Variants in B3GALT1 observed in about 807,000 individuals in gnomAD.
B3GALT1 encodes the protein beta-1,3-galactosyltransferase 1.
B3GALT1 carries 10 observed loss-of-function variants against 23.2 expected under a neutral mutation model. That is an observed-to-expected ratio of 0.43 (90% CI 0.27 to 0.73). The LOEUF (loss-of-function observed/expected upper bound fraction) is 0.73. Among genes scored for constraint, B3GALT1 ranks in the 30% least tolerant of loss-of-function variants. The probability of loss-of-function intolerance (pLI) is 0.21; values close to 1 mark genes in which losing one functional copy is unlikely to be tolerated. For synonymous variants in B3GALT1, 156 were observed against 141.5 expected (o/e 1.10, Z -0.73); for missense variants, 299 against 405.4 (o/e 0.74, Z 2.25).
chr2:167,807,444 G>A (rs1688778491), intron 3 of B3GALT1, among the ~76,000 whole-genome samples: 1 of 151,852 alleles, frequency 6.6e-6, no homozygotes, highest in Non-Finnish European at 1.5e-5. Context: ...TTTCTCTTGT[G>A]GGCATTTAGT....
chr2:167,369,724 G>A (rs1574051969), intron 1 of B3GALT1, among the ~76,000 whole-genome samples: 2 of 152,214 alleles, frequency 1.3e-5, no homozygotes, highest in South Asian at 2.1e-4. Flanking sequence ...GTTTCAATAC[G>A]GCATGTGCAG....
intron 3 of B3GALT1, among the ~76,000 whole-genome samples, chr2:167,659,783 C>T (rs979046756): frequency 2.6e-5 from 4 of 152,118 alleles, no homozygotes; most frequent in Non-Finnish European, 4.4e-5. Context: ...TGCCAGATCA[C>T]CAATAGTTGA....
chr2:167,686,725 G>A (rs985325897), intron 3 of B3GALT1, among the ~76,000 whole-genome samples: 1 of 152,052 alleles, frequency 6.6e-6, no homozygotes, highest in Non-Finnish European at 1.5e-5. Flanking sequence ...ACACTTACAC[G>A]CATACACACA....
intron 1 of B3GALT1, among the ~76,000 whole-genome samples, chr2:167,470,322 T>A (rs950548810): frequency 6.6e-6 from 1 of 152,198 alleles, no homozygotes; most frequent in Admixed American, 6.5e-5. Context: ...TTCCTGGGTT[T>A]AGCAATTAAA....
chr2:167,562,770 G>A (rs1249617579), intron 2 of B3GALT1, among the ~76,000 whole-genome samples: 2 of 151,714 alleles, frequency 1.3e-5, no homozygotes, highest in Non-Finnish European at 2.9e-5. Context: ...AAAGGTCTCT[G>A]GTTTTCCTAG....
intron 2 of B3GALT1, among the ~76,000 whole-genome samples, chr2:167,520,702 C>T (rs1574116347): frequency 6.6e-6 from 1 of 152,168 alleles, no homozygotes; most frequent in East Asian, 1.9e-4. Flanking sequence ...TCTTCAGGAT[C>T]ATACTGGTAA....
intron 2 of B3GALT1, among the ~76,000 whole-genome samples, chr2:167,568,387 C>A (rs1180159541): frequency 6.6e-6 from 1 of 152,028 alleles, no homozygotes; most frequent in Non-Finnish European, 1.5e-5. Context: ...TGCTCCATAT[C>A]CTCATCAGCA....
At chr2:167,407,533 A>G (rs1284378228) in intron 1 of B3GALT1, among the ~76,000 whole-genome samples, 17 of 141,918 alleles carry the variant, frequency 1.2e-4, no homozygotes, top group Non-Finnish European at 2.1e-4. Flanking sequence ...AATATAGAAT[A>G]TGAACAAAAA....
intron 1 of B3GALT1, among the ~76,000 whole-genome samples, chr2:167,420,435 C>T (rs1325866053): frequency 6.6e-6 from 1 of 152,180 alleles, no homozygotes; most frequent in Non-Finnish European, 1.5e-5. Context: ...TAAATCTCAG[C>T]AGTAGCTAGT....
intron 4 of B3GALT1, among the ~76,000 whole-genome samples, chr2:167,831,708 A>C (rs1689358773): frequency 6.6e-6 from 1 of 152,212 alleles, no homozygotes; most frequent in African/African-American, 2.4e-5. Flanking sequence ...TTTGAGCCTC[A>C]CTGGTTGGAG....
At position 167,641,908 on chromosome 2, in the gene B3GALT1, A is replaced by G. The variant is rs538187605; in HGVS notation, c.-409-5001A>G. ...GACTTTTCCTAAGTTTTAGGCTTGC[A>G]TAGCCAAGTGCCTTCTCAACATATC... On this transcript the variant is annotated intron_variant, in intron 2 of 4. Transcript: ENST00000392690. 6.6e-5 allele frequency among the ~76,000 whole-genome samples: 10 copies of G among 152,300 alleles called. No individual in the cohort carries two copies. In the East Asian group the frequency reaches 7.7e-4, roughly 12 times the overall value.
intron 1 of B3GALT1, among the ~76,000 whole-genome samples, chr2:167,306,996 T>TGG (rs1696562013): frequency 6.6e-6 from 1 of 152,062 alleles, no homozygotes. Flanking sequence ...TGTAAAAGTT[T>TGG]ACCCAATTGG....
At chr2:167,663,288 C>T (rs1430223983) in intron 3 of B3GALT1, among the ~76,000 whole-genome samples, 1 of 152,034 alleles carries the variant, frequency 6.6e-6, no homozygotes, top group Non-Finnish European at 1.5e-5. Context: ...AGGACATTAA[C>T]TCATCATTTT....
chr2:167,715,095 C>A, intron 3 of B3GALT1: 1 of 1,613,246 alleles, frequency 6.2e-7, no homozygotes, highest in Non-Finnish European at 8.5e-7. Context: ...TTTAAAGAAA[C>A]ATTTAAGTTA....
chr2:167,626,863 T>C (rs1230046131), intron 2 of B3GALT1, among the ~76,000 whole-genome samples: 5 of 151,704 alleles, frequency 3.3e-5, no homozygotes, highest in African/African-American at 1.2e-4. Context: ...ATATTAACAT[T>C]CTAATAAGGT....
intron 3 of B3GALT1, among the ~76,000 whole-genome samples, chr2:167,666,343 A>G (rs1026142147): frequency 1.1e-4 from 16 of 152,144 alleles, no homozygotes; most frequent in Non-Finnish European, 2.4e-4. Flanking sequence ...GTTCTTTTAC[A>G]TTTGCTAAGG....
At chr2:167,469,574 T>A (rs531915076) in intron 1 of B3GALT1, among the ~76,000 whole-genome samples, 1 of 152,170 alleles carries the variant, frequency 6.6e-6, no homozygotes, top group South Asian at 2.1e-4. Context: ...TAAGAATACA[T>A]TCTAAATCTT....
At chr2:167,520,412 C>T (rs545489509) in intron 2 of B3GALT1, among the ~76,000 whole-genome samples, 1 of 152,102 alleles carries the variant, frequency 6.6e-6, no homozygotes, top group African/African-American at 2.4e-5. Flanking sequence ...CAAAATTGCT[C>T]TTGTCTGATA....
chr2:167,609,205 A>G (rs937349298), intron 2 of B3GALT1, among the ~76,000 whole-genome samples: 10 of 152,194 alleles, frequency 6.6e-5, no homozygotes, highest in African/African-American at 2.4e-4. Flanking sequence ...GTTTAGGAAC[A>G]CAGACCAATA....
Sources: gnomAD v4.1 joint callset for allele counts (sites outside exome capture counted in the v4.1 genomes callset) on GRCh38, gnomAD v4.1.1 for gene constraint, MANE v1.5 for transcripts, NCBI Gene and HGNC (gene_info 2026-07-23, HGNC 2026-07-21) for gene names.